The following NEDD4L variants were observed in gnomAD, a reference collection of about 807,000 sequenced individuals.
NEDD4L encodes the protein E3 ubiquitin-protein ligase NEDD4-like.
A neutral mutation model predicts 148.9 loss-of-function variants in NEDD4L; 54 were observed. The observed-to-expected ratio is 0.36, with a 90% CI of 0.29 to 0.45. The LOEUF (loss-of-function observed/expected upper bound fraction) is 0.45. Ranked by LOEUF, NEDD4L falls within the 20% of genes least tolerant of loss-of-function variation. The pLI, the probability that NEDD4L is intolerant of heterozygous loss-of-function variation, is 1.00. For missense variants in NEDD4L, 856 were observed against 1,233.8 expected (o/e 0.69, Z 4.59); for synonymous variants, 433 against 440.7 (o/e 0.98, Z 0.22).
At chr18:58,059,447 A>G (rs1435711545) in intron 1 of NEDD4L, among the ~76,000 whole-genome samples, 3 of 152,190 alleles carry the variant, frequency 2.0e-5, no homozygotes, top group African/African-American at 7.2e-5. Flanking sequence ...GCCACTGTCA[A>G]TACCAGAGCA....
At chr18:58,179,205 T>C (rs1419382874) in intron 2 of NEDD4L, among the ~76,000 whole-genome samples, 2 of 152,240 alleles carry the variant, frequency 1.3e-5, no homozygotes, top group Admixed American at 6.5e-5. Flanking sequence ...TTTCATCTTC[T>C]CTTATTATTG....
rs1410259664 is a variant in NEDD4L, at chr18:58,165,838, C to G, written c.99C>G (p.Ala33=). The G allele has an allele frequency of 1.2e-6, 2 of 1,610,274 alleles. No homozygotes were observed. The highest frequency in any genetic ancestry group is 1.7e-6 in the Non-Finnish European group (2 of 1,178,076). The change falls in exon 2 of 31, where the codon GCC becomes GCG. Residue 33 remains alanine (A), a synonymous_variant. Transcript: ENST00000400345. ...AAGTTGTTTCTGGAATTGATCTCGC[C>G]AAAAAGGACATCTTTGGAGCCAGGT... is the stretch of plus-strand genomic sequence containing the variant. The part of the protein sequence containing the change: ...RVKVVSGIDL[A]KKDIFGASDP...
chr18:58,376,524 T>C (rs1280811694), intron 24 of NEDD4L, among the ~76,000 whole-genome samples: 1 of 152,174 alleles, frequency 6.6e-6, no homozygotes, highest in African/African-American at 2.4e-5. Context: ...TCATCTCCCA[T>C]ATCCAGTCCA....
intron 1 of NEDD4L, among the ~76,000 whole-genome samples, chr18:58,116,185 C>A (rs1197066634): frequency 9.9e-5 from 15 of 152,220 alleles, no homozygotes; most frequent in Admixed American, 9.2e-4. Flanking sequence ...AGCGCTTCTT[C>A]CAGACAGCAC....
At chr18:58,229,643 T>A (rs1271346382) in intron 2 of NEDD4L, among the ~76,000 whole-genome samples, 1 of 152,250 alleles carries the variant, frequency 6.6e-6, no homozygotes, top group Non-Finnish European at 1.5e-5. Context: ...TTTAATAGTT[T>A]ATTTTGTATG....
intron 21 of NEDD4L, 25 bp from the exon 22 acceptor site, chr18:58,367,721 C>T: frequency 6.2e-7 from 1 of 1,611,508 alleles, no homozygotes; most frequent in Non-Finnish European, 8.5e-7. Context: ...TGTGATTGGG[C>T]TTTTCTTCTC....
At chr18:58,239,183 T>C (rs2046355422) in intron 2 of NEDD4L, among the ~76,000 whole-genome samples, 1 of 152,242 alleles carries the variant, frequency 6.6e-6, no homozygotes, top group African/African-American at 2.4e-5. Flanking sequence ...CTGTGAAATA[T>C]GCTGCATCCA....
intron 18 of NEDD4L, chr18:58,351,270 T>A: frequency 1.4e-6 from 1 of 702,744 alleles, no homozygotes; most frequent in Non-Finnish European, 1.7e-6. Context: ...TCTTGTGACC[T>A]ATTAACGTGT....
chr18:58,052,851 A>G (rs2081938281), intron 1 of NEDD4L, among the ~76,000 whole-genome samples: 1 of 152,118 alleles, frequency 6.6e-6, no homozygotes, highest in African/African-American at 2.4e-5. Context: ...CTGTAATCCC[A>G]GCTACTTGGG....
intron 2 of NEDD4L, among the ~76,000 whole-genome samples, chr18:58,205,273 G>C (rs2602161): frequency 6.6e-6 from 1 of 152,178 alleles, no homozygotes; most frequent in Admixed American, 6.5e-5. Context: ...AGAATGAGCA[G>C]TAAAGCCATG....
intron 1 of NEDD4L, among the ~76,000 whole-genome samples, chr18:58,084,682 T>G (rs183818247): frequency 3.0e-5 from 4 of 132,688 alleles, no homozygotes; most frequent in Non-Finnish European, 3.6e-5. Context: ...TGTGTGTGTG[T>G]GTGTGTGTGT....
intron 18 of NEDD4L, among the ~76,000 whole-genome samples, chr18:58,352,494 A>C (rs2044026649): frequency 6.6e-6 from 1 of 152,086 alleles, no homozygotes; most frequent in Non-Finnish European, 1.5e-5. Context: ...GTCTCTACTA[A>C]AAATACAAGT....
intron 1 of NEDD4L, among the ~76,000 whole-genome samples, chr18:58,121,431 C>CT (rs112023092): frequency 6.7e-4 from 99 of 147,272 alleles, no homozygotes; most frequent in Admixed American, 2.0e-3. Context: ...TTCTTTCATT[C>CT]TTTTTTTTTT....
chr18:58,146,842 C>A (rs139371076), intron 1 of NEDD4L, among the ~76,000 whole-genome samples: 362 of 152,250 alleles, frequency 2.4e-3, no homozygotes, highest in Non-Finnish European at 3.8e-3. Flanking sequence ...TCTTGAAATT[C>A]TTGATAGTTT....
chr18:58,120,964 T>A (rs557579483), intron 1 of NEDD4L, among the ~76,000 whole-genome samples: 1 of 151,878 alleles, frequency 6.6e-6, no homozygotes, highest in East Asian at 1.9e-4. Context: ...TGGACTTAGG[T>A]AGGTTTTTAG....
rs752858201 is a variant in NEDD4L at position 58,328,999 on chromosome 18, G to T, written c.685G>T (p.Val229Leu). 2 of 1,613,928 alleles carry T rather than the reference G, an allele frequency of 1.2e-6. No individual in the cohort carries two copies. The highest frequency in any genetic ancestry group is 2.2e-5 in the East Asian group (1 of 44,892). ...CCCCCTTTCCTGCATGCTCAGGGAC[G>T]TGTCCTCGGAGTCGGACAATAACAT... ...TQWHRPSLMD[V>L]SSESDNNIRQ... The change falls in exon 10 of 31, where the codon GTG (valine) becomes TTG (leucine). Residue 229 changes from valine to leucine, a missense_variant. By Grantham distance (32) the Val-to-Leu change is conservative. This residue lies in a region of NEDD4L where 367 missense variants were observed against 422.7 expected (regional missense o/e 0.87). Coordinates refer to ENST00000400345, the MANE Select transcript of NEDD4L (RefSeq NM_001144967.3).
Position 58,353,623 on chromosome 18 carries a change from T to C in NEDD4L, c.1708+2578T>C, listed in dbSNP as rs143263920. 2.6e-3 allele frequency among the ~76,000 whole-genome samples: 394 copies of C among 152,362 alleles called. 2 individuals are homozygous for C. The highest frequency in any genetic ancestry group is 3.7e-3 in the Non-Finnish European group (250 of 68,044). On this transcript the variant is annotated intron_variant, in intron 18 of 30. Transcript: ENST00000400345. The stretch of plus-strand genomic sequence containing the variant: ...TTGCCTTTCCACAAAATTCAGTCTG[T>C]GAAAACTGCAGAATACCTATCTTTT...
intron 1 of NEDD4L, among the ~76,000 whole-genome samples, chr18:58,117,843 A>T (rs1011273375): frequency 6.6e-6 from 1 of 152,132 alleles, no homozygotes; most frequent in African/African-American, 2.4e-5. Flanking sequence ...ACTCCATGAC[A>T]TGGAGTGTAT....
At chr18:58,325,538 A>G (rs1169026632) in intron 9 of NEDD4L, among the ~76,000 whole-genome samples, 1 of 152,206 alleles carries the variant, frequency 6.6e-6, no homozygotes, top group Non-Finnish European at 1.5e-5. Context: ...CCGGCAAGCA[A>G]ATTGGCTTTG....
Sources: allele counts gnomAD v4.1 joint callset (sites outside exome capture counted in the v4.1 genomes callset), GRCh38; gene constraint gnomAD v4.1.1; regional missense constraint gnomAD v4.1.1; transcripts MANE v1.5; gene names NCBI Gene and HGNC (gene_info 2026-07-23, HGNC 2026-07-21).